The following GOLGA3 variants were observed in gnomAD, a reference collection of about 807,000 sequenced individuals.
GOLGA3 encodes golgin subfamily A member 3.
GOLGA3 carries 75 observed loss-of-function variants against 169.4 expected under a neutral mutation model. The ratio of observed to expected loss-of-function variants is 0.44; its 90% CI spans 0.37 to 0.54. The LOEUF (loss-of-function observed/expected upper bound fraction) is 0.54, where lower values mean the gene tolerates loss of function less well. Ranked by LOEUF, GOLGA3 falls within the 20% of genes least tolerant of loss-of-function variation. The pLI, the probability that GOLGA3 is intolerant of heterozygous loss-of-function variation, is 0.00. For synonymous variants in GOLGA3, 824 were observed against 822.4 expected (o/e 1.00, Z -0.03); for missense variants, 1,899 against 1,930.0 (o/e 0.98, Z 0.30).
At chr12:132,814,477 G>A (rs992842252) in intron 3 of GOLGA3, among the ~76,000 whole-genome samples, 3 of 152,330 alleles carry the variant, frequency 2.0e-5, no homozygotes, top group Admixed American at 1.3e-4. Context: ...CGCCGGCACC[G>A]TGGAGTTACA....
rs375783073 is a variant in GOLGA3, at chr12:132,789,259, G to A, written c.2579C>T (p.Thr860Ile). The change falls in exon 13 of 24, where the codon ACC becomes ATC. Residue 860 changes from threonine to isoleucine, a missense_variant. By Grantham distance (89) the Thr-to-Ile change is moderately conservative. Coordinates refer to ENST00000450791, the MANE Select transcript of GOLGA3 (RefSeq NM_001389683.1). ...VMVEAYRRDA[T>I]SKDQLISELK... ...CTCACTGATGAGCTGGTCTTTGGAG[G>A]TGGCGTCGCGCCGGTAGGCCTCCAC... The A allele has an allele frequency of 9.4e-6, 15 of 1,603,270 alleles. No individual in the cohort carries two copies. In the South Asian group the frequency reaches 1.2e-4, roughly 13 times the overall value.
chr12:132,812,776 T>G (rs566220464), intron 4 of GOLGA3, among the ~76,000 whole-genome samples: 1 of 152,338 alleles, frequency 6.6e-6, no homozygotes, highest in South Asian at 2.1e-4. Flanking sequence ...TAAGATATGG[T>G]AAACTTTAGT....
chr12:132,790,762 A>C (rs1451586173), intron 12 of GOLGA3, among the ~76,000 whole-genome samples: 1 of 151,942 alleles, frequency 6.6e-6, no homozygotes, highest in East Asian at 1.9e-4. Flanking sequence ...AAAAAGTTAA[A>C]GAGGGCCGGG....
chr12:132,799,897 C>A (rs2136509854), intron 8 of GOLGA3, among the ~76,000 whole-genome samples: 1 of 152,258 alleles, frequency 6.6e-6, no homozygotes, highest in East Asian at 1.9e-4. Context: ...CTCACCACCA[C>A]ACCTGGCTAA....
Position 132,819,256 on chromosome 12 carries a change from G to A in GOLGA3, c.134-2444C>T, listed in dbSNP as rs1020711387. On this transcript the variant is annotated intron_variant, in intron 2 of 23. Coordinates refer to ENST00000450791, the MANE Select transcript of GOLGA3 (RefSeq NM_001389683.1). ...TTAAAAATGAGTTTCTTAGCCGGGCGCGGTGGCTCACGCCTGTAATCCCAG... is the reference window on the plus strand; with the variant it reads ...TTAAAAATGAGTTTCTTAGCCGGGCACGGTGGCTCACGCCTGTAATCCCAG... Among the ~76,000 whole-genome samples, 4 of 152,204 alleles carry A rather than the reference G, an allele frequency of 2.6e-5. No homozygotes were observed. In the East Asian group the frequency reaches 5.8e-4, roughly 22 times the overall value.
chr12:132,810,225 G>A lies in GOLGA3; in HGVS notation c.520-1676C>T, dbSNP rs941263674. 5.3e-5 allele frequency among the ~76,000 whole-genome samples: 8 copies of A among 152,236 alleles called. No individual in the cohort carries two copies. In the East Asian group the frequency reaches 1.4e-3, roughly 26 times the overall value. The stretch of plus-strand genomic sequence containing the variant: ...ATCATGCCACTGCACTCCAGCCTGG[G>A]TGACAGAGTGAGACCCTGTCTCCAA... On this transcript the variant is annotated intron_variant, in intron 4 of 23. Transcript: ENST00000450791.
At chr12:132,806,544 A>C (rs1949412553) in intron 6 of GOLGA3, among the ~76,000 whole-genome samples, 1 of 152,246 alleles carries the variant, frequency 6.6e-6, no homozygotes, top group South Asian at 2.1e-4. Context: ...GAGCAGCTCC[A>C]GCCCTGCTCT....
intron 4 of GOLGA3, among the ~76,000 whole-genome samples, chr12:132,812,589 C>T (rs1949772232): frequency 1.3e-5 from 2 of 152,118 alleles, no homozygotes; most frequent in South Asian, 2.1e-4. Flanking sequence ...TCACGGACAG[C>T]GTTGAGGGAT....
At chr12:132,825,684 T>C (rs997842267) in intron 1 of GOLGA3, 13 of 1,091,578 alleles carry the variant, frequency 1.2e-5, no homozygotes, top group South Asian at 1.2e-5. Context: ...GAGCACCTTT[T>C]TTCAGTGGCC....
chr12:132,777,543 T>C lies in GOLGA3; in HGVS notation c.3722+123A>G, dbSNP rs2045314799. The C allele has an allele frequency of 3.8e-6, 4 of 1,051,282 alleles. No individual in the cohort carries two copies. The Admixed American group carries it at 8.6e-5, about 23-fold the overall frequency. The allele number at this position is 1,051,282 out of a possible 1,614,324, so 65.1% of individuals were successfully genotyped here. On this transcript the variant is annotated intron_variant, in intron 19 of 23. Coordinates refer to ENST00000450791, the MANE Select transcript of GOLGA3 (RefSeq NM_001389683.1). The surrounding 1 kb of genome is among the most constrained non-coding windows in gnomAD (Gnocchi z 4.7). ...GGCTGGGTGCCTTCTACTCCTATGA[T>C]TCACTCAAGTACTCGGCAATTTGCA...
chr12:132,811,879 G>A, intron 4 of GOLGA3: 2 of 701,326 alleles, frequency 2.9e-6, no homozygotes, highest in Non-Finnish European at 1.8e-6. Context: ...GGGCGCGATG[G>A]TGGGTGCCTG....
chr12:132,796,741 T>C, intron 9 of GOLGA3, 41 bp from the exon 10 acceptor site: 1 of 1,598,640 alleles, frequency 6.3e-7, no homozygotes, highest in South Asian at 1.1e-5. Context: ...CAGGAAACCT[T>C]AATAGTGAAC....
chr12:132,787,007 G>A (rs1278380835), intron 13 of GOLGA3, among the ~76,000 whole-genome samples: 1 of 151,912 alleles, frequency 6.6e-6, no homozygotes, highest in African/African-American at 2.4e-5. Context: ...AGGCTGGAGT[G>A]CAGGGGCGTG....
chr12:132,807,012 G>T (rs1040097156), intron 6 of GOLGA3, among the ~76,000 whole-genome samples, 165 bp downstream of exon 6: 1 of 152,114 alleles, frequency 6.6e-6, no homozygotes, highest in Non-Finnish European at 1.5e-5. Flanking sequence ...CTCTTTCTAA[G>T]GCTGACAAGT....
intron 5 of GOLGA3, 151 bp from the exon 6 acceptor site, chr12:132,807,439 T>G (rs1949460950): frequency 1.9e-6 from 1 of 537,024 alleles, no homozygotes; most frequent in Non-Finnish European, 3.3e-6. Flanking sequence ...GAGGCTTGCA[T>G]GATGCACGGA....
intron 18 of GOLGA3, among the ~76,000 whole-genome samples, chr12:132,780,418 G>A (rs1027494954): frequency 2.6e-5 from 4 of 152,192 alleles, no homozygotes; most frequent in Admixed American, 2.0e-4. Flanking sequence ...GGCCAGCCAC[G>A]AAAAGACAGC....
chr12:132,792,991 T>C (rs1437195441), intron 11 of GOLGA3, among the ~76,000 whole-genome samples: 1 of 123,350 alleles, frequency 8.1e-6, no homozygotes, highest in Admixed American at 8.4e-5. Context: ...CTCGGAGGGC[T>C]CCACACAGAC....
chr12:132,795,069 C>T (rs557778877), intron 11 of GOLGA3, among the ~76,000 whole-genome samples: 1 of 151,956 alleles, frequency 6.6e-6, no homozygotes, highest in East Asian at 1.9e-4. Context: ...CACCTGTAGT[C>T]CTAGCTACTT....
At position 132,780,170 on chromosome 12, in the gene GOLGA3, A is replaced by G. The variant is rs1389215082; in HGVS notation, c.3582+628T>C. On this transcript the variant is annotated intron_variant, in intron 18 of 23. Coordinates refer to ENST00000450791, the MANE Select transcript of GOLGA3 (RefSeq NM_001389683.1). ...TACAGACATCACAACACTTGCATGC[A>G]CAGCCCCCCGCGTGCACACACACCA... Among the ~76,000 whole-genome samples, 5 of 140,690 alleles carry G rather than the reference A, an allele frequency of 3.6e-5. 1 individual carries two copies. Among genetic ancestry groups the G allele is most frequent in the African/African-American group, 7.9e-5 (3 of 37,804 alleles). 92.3% of individuals were successfully genotyped at this position (140,690 alleles called of 152,430 possible). A position where few individuals can be genotyped will look rare whatever the true frequency, so the allele number is the denominator to read the frequency against.
Sources: gnomAD v4.1 joint callset for allele counts (sites outside exome capture counted in the v4.1 genomes callset) on GRCh38, gnomAD v4.1.1 for gene constraint, Gnocchi (gnomAD v3.1) non-coding constraint, MANE v1.5 for transcripts, NCBI Gene and HGNC (gene_info 2026-07-23, HGNC 2026-07-21) for gene names.